SNTG1: variants seen among roughly 807,000 people sequenced by gnomAD.
The protein encoded by SNTG1 is syntrophin gamma 1, also known as gamma-1-syntrophin.
A neutral mutation model predicts 74.7 loss-of-function variants in SNTG1; 39 were observed. The ratio of observed to expected loss-of-function variants is 0.52; its 90% CI spans 0.40 to 0.68. SNTG1 has a LOEUF of 0.68. SNTG1 is among the 30% of genes least tolerant of loss of function. The probability of loss-of-function intolerance (pLI) is 0.00; values close to 1 mark genes in which losing one functional copy is unlikely to be tolerated. For synonymous variants in SNTG1, 254 were observed against 217.1 expected (o/e 1.17, Z -1.49); for missense variants, 685 against 609.5 (o/e 1.12, Z -1.30).
At chr8:50,675,854 T>C (rs1489594141) in intron 15 of SNTG1, among the ~76,000 whole-genome samples, 1 of 152,068 alleles carries the variant, frequency 6.6e-6, no homozygotes, top group African/African-American at 2.4e-5. Context: ...GCAGGCCTGG[T>C]GGTAACGAAA....
chr8:50,208,138 G>A (rs116183765), intron 2 of SNTG1, among the ~76,000 whole-genome samples: 1,576 of 152,160 alleles, frequency 0.01, 27 homozygotes, highest in African/African-American at 0.036. Context: ...TTTCTGTCTC[G>A]TCGATCTGTG....
At chr8:50,604,554 C>T (rs2094798888) in intron 13 of SNTG1, among the ~76,000 whole-genome samples, 1 of 152,110 alleles carries the variant, frequency 6.6e-6, no homozygotes, top group African/African-American at 2.4e-5. Flanking sequence ...GGAGTTCTGC[C>T]AGGCTACCAC....
intron 12 of SNTG1, among the ~76,000 whole-genome samples, chr8:50,570,591 GTTA>G (rs61229968): frequency 1.6e-3 from 208 of 130,154 alleles, no homozygotes; most frequent in Non-Finnish European, 2.2e-3. Flanking sequence ...TATTATTGTT[GTTA>G]TTATTATTAT....
At chr8:50,575,968 A>G (rs2094574521) in intron 12 of SNTG1, among the ~76,000 whole-genome samples, 1 of 152,044 alleles carries the variant, frequency 6.6e-6, no homozygotes, top group Non-Finnish European at 1.5e-5. Flanking sequence ...CAGTTTTACT[A>G]TGGTGGGCTC....
At chr8:50,151,504 G>A (rs1402209793) in intron 1 of SNTG1, among the ~76,000 whole-genome samples, 2 of 151,844 alleles carry the variant, frequency 1.3e-5, no homozygotes, top group African/African-American at 4.8e-5. Flanking sequence ...GTGATGTTAG[G>A]GTGTCAATTT....
rs529861262 is a variant in SNTG1 at position 50,729,988 on chromosome 8, C to A, written c.1284+21010C>A. On this transcript the variant is annotated intron_variant, in intron 17 of 18. Coordinates refer to ENST00000642720, the MANE Select transcript of SNTG1 (RefSeq NM_018967.5). ...AGTGCTAACCCTGACCTGGAGGGAG[C>A]ACCCCGTATTCACTACACGGACTGC... Among the ~76,000 whole-genome samples, 11 of 152,176 alleles carry A rather than the reference C, an allele frequency of 7.2e-5. No homozygotes were observed. The East Asian group carries it at 1.9e-3, about 27-fold the overall frequency.
At chr8:50,712,701 G>T (rs985011088) in intron 17 of SNTG1, among the ~76,000 whole-genome samples, 1 of 150,484 alleles carries the variant, frequency 6.6e-6, no homozygotes, top group Non-Finnish European at 1.5e-5. Context: ...TTCCCTCCTT[G>T]TGTCTACCTG....
chr8:50,419,620 C>G (rs2131445864), intron 4 of SNTG1, among the ~76,000 whole-genome samples: 1 of 152,254 alleles, frequency 6.6e-6, no homozygotes, highest in Non-Finnish European at 1.5e-5. Flanking sequence ...AGGGTTGTAT[C>G]AGTGGAGGCT....
At chr8:50,273,116 A>T (rs2087880722) in intron 2 of SNTG1, among the ~76,000 whole-genome samples, 2 of 152,166 alleles carry the variant, frequency 1.3e-5, no homozygotes, top group African/African-American at 4.8e-5. Context: ...AGAATGATGA[A>T]ATTTGAATCA....
At chr8:50,318,399 C>T (rs2090396524) in intron 2 of SNTG1, among the ~76,000 whole-genome samples, 1 of 152,158 alleles carries the variant, frequency 6.6e-6, no homozygotes, top group South Asian at 2.1e-4. Context: ...CTCCTCGTGG[C>T]CTGAATCTTG....
At chr8:50,214,403 TATA>T (rs1209060029) in intron 2 of SNTG1, among the ~76,000 whole-genome samples, 4 of 151,450 alleles carry the variant, frequency 2.6e-5, no homozygotes, top group East Asian at 1.9e-4. Flanking sequence ...AAACCTAAAG[TATA>T]ATAATAATAA....
chr8:50,468,802 ATTAGTGTTTGTT>A (rs2093629208), intron 8 of SNTG1, among the ~76,000 whole-genome samples: 1 of 152,134 alleles, frequency 6.6e-6, no homozygotes, highest in South Asian at 2.1e-4. Flanking sequence ...TTTGAAAACA[ATTAGTGTTTGTT>A]TTAGTTTCCA....
At chr8:50,152,700 A>G (rs1432918046) in intron 1 of SNTG1, among the ~76,000 whole-genome samples, 1 of 152,134 alleles carries the variant, frequency 6.6e-6, no homozygotes, top group Non-Finnish European at 1.5e-5. Context: ...TTCTGGGTTG[A>G]AAATTATTTT....
intron 18 of SNTG1, among the ~76,000 whole-genome samples, chr8:50,784,472 T>A (rs1218086287): frequency 6.6e-6 from 1 of 152,160 alleles, no homozygotes. Flanking sequence ...GAAAAATGAA[T>A]CAATTTTTCA....
At chr8:50,697,569 A>G (rs908940052) in intron 15 of SNTG1, among the ~76,000 whole-genome samples, 2 of 152,156 alleles carry the variant, frequency 1.3e-5, no homozygotes, top group African/African-American at 4.8e-5. Context: ...GGTTTGTCAT[A>G]TATGACCTTT....
intron 1 of SNTG1, among the ~76,000 whole-genome samples, chr8:50,074,659 A>G (rs1372901469): frequency 6.6e-6 from 1 of 152,240 alleles, no homozygotes; most frequent in Non-Finnish European, 1.5e-5. Context: ...ATAATGAAAA[A>G]GTTAATATTG....
At chr8:49,962,560 G>A (rs1810785348) in intron 1 of SNTG1, among the ~76,000 whole-genome samples, 1 of 151,850 alleles carries the variant, frequency 6.6e-6, no homozygotes, top group Admixed American at 6.6e-5. Context: ...ATTTACCTCA[G>A]ATAGAGACAG....
At chr8:50,676,316 A>T (rs1170050105) in intron 15 of SNTG1, among the ~76,000 whole-genome samples, 4 of 151,720 alleles carry the variant, frequency 2.6e-5, no homozygotes, top group East Asian at 3.9e-4. Context: ...GGCTTTGTTC[A>T]TTCCTTTTCA....
intron 15 of SNTG1, among the ~76,000 whole-genome samples, chr8:50,668,690 C>A (rs996297194): frequency 6.6e-6 from 1 of 151,670 alleles, no homozygotes; most frequent in Non-Finnish European, 1.5e-5. Context: ...GTGTTGTTTC[C>A]CACCCTGTGT....
Sources: allele counts gnomAD v4.1 joint callset (sites outside exome capture counted in the v4.1 genomes callset), GRCh38; gene constraint gnomAD v4.1.1; transcripts MANE v1.5; gene names NCBI Gene and HGNC (gene_info 2026-07-23, HGNC 2026-07-21).